Variants in RAB27B observed in about 807,000 individuals in gnomAD.
RAB27B encodes the protein ras-related protein Rab-27B.
Under a neutral mutation model 24.6 loss-of-function variants are expected in RAB27B, and 15 were observed. That is an observed-to-expected ratio of 0.61 (90% confidence interval 0.41 to 0.94). The LOEUF (loss-of-function observed/expected upper bound fraction) is 0.94. Among genes scored for constraint, RAB27B ranks in the 40% least tolerant of loss-of-function variants. The probability of loss-of-function intolerance (pLI) is 0.00; values close to 1 mark genes in which losing one functional copy is unlikely to be tolerated. For missense variants in RAB27B, 261 were observed against 266.8 expected, an observed-to-expected ratio of 0.98 and a Z score of 0.15; for synonymous variants, 105 against 92.5, an observed-to-expected ratio of 1.14 and a Z score of -0.78.
chr18:54,808,820 A>C (rs1909874988), intron 2 of RAB27B, among the ~76,000 whole-genome samples: 1 of 152,276 alleles, frequency 6.6e-6, no homozygotes, highest in Admixed American at 6.5e-5. Context: ...GAATTATTAA[A>C]AACAGAAAAA....
At chr18:54,816,863 A>T (rs908091457) in intron 2 of RAB27B, among the ~76,000 whole-genome samples, 2 of 152,224 alleles carry the variant, frequency 1.3e-5, no homozygotes, top group South Asian at 2.1e-4. Flanking sequence ...ACATAAAGTC[A>T]TAATATAATG....
chr18:54,754,622 T>C (rs1907945726), intron 2 of RAB27B, among the ~76,000 whole-genome samples: 1 of 152,200 alleles, frequency 6.6e-6, no homozygotes, highest in African/African-American at 2.4e-5. Context: ...ACGGATCTTG[T>C]CTACGTAAAG....
At chr18:54,886,177 A>G (rs183014496) in intron 4 of RAB27B, among the ~76,000 whole-genome samples, 1 of 152,090 alleles carries the variant, frequency 6.6e-6, no homozygotes, top group Non-Finnish European at 1.5e-5. Context: ...CCCATCTGAA[A>G]TAGTACTCAT....
chr18:54,769,333 C>T lies in RAB27B; in HGVS notation c.-20+51192C>T, dbSNP rs145591717. 6.6e-5 allele frequency among the ~76,000 whole-genome samples: 10 copies of T among 152,230 alleles called. 1 individual carries two copies. The highest frequency in any genetic ancestry group is 2.4e-4 in the African/African-American group (10 of 41,568). ...CGTCTCACCTCTGTCTGGGGCAGTC[C>T]ACTGTGTGTAAAATGCCATCTGATG... On this transcript the variant is annotated intron_variant, in intron 2 of 4. Transcript: ENST00000586570.
At chr18:54,842,356 T>C (rs989271915) in intron 1 of RAB27B, among the ~76,000 whole-genome samples, 1 of 152,364 alleles carries the variant, frequency 6.6e-6, no homozygotes, top group East Asian at 1.9e-4. Flanking sequence ...GAGGACTTAA[T>C]GAACTGCACC....
At chr18:54,830,927 G>T (rs1448369007) in intron 1 of RAB27B, among the ~76,000 whole-genome samples, 8 of 152,156 alleles carry the variant, frequency 5.3e-5, no homozygotes, top group African/African-American at 1.9e-4. Flanking sequence ...TCAATATATT[G>T]AGATAATTAA....
intron 1 of RAB27B, among the ~76,000 whole-genome samples, chr18:54,842,654 G>A (rs533610425): frequency 5.9e-5 from 9 of 152,122 alleles, no homozygotes; most frequent in Non-Finnish European, 2.9e-5. Context: ...GACACATCTT[G>A]CTGTTATGTC....
At chr18:54,768,294 A>C (rs1427821171) in intron 2 of RAB27B, among the ~76,000 whole-genome samples, 1 of 152,192 alleles carries the variant, frequency 6.6e-6, no homozygotes, top group Admixed American at 6.5e-5. Context: ...AAATGTAGCG[A>C]TATGTGGCTT....
At chr18:54,740,983 G>C (rs1391564226) in intron 2 of RAB27B, among the ~76,000 whole-genome samples, 1 of 152,108 alleles carries the variant, frequency 6.6e-6, no homozygotes, top group East Asian at 1.9e-4. Context: ...ACTCTACCTA[G>C]GTTTTTGGTC....
At chr18:54,730,345 G>A (rs1028610575) in intron 2 of RAB27B, among the ~76,000 whole-genome samples, 1 of 152,156 alleles carries the variant, frequency 6.6e-6, no homozygotes, top group Non-Finnish European at 1.5e-5. Flanking sequence ...TGCTGACATG[G>A]ACTGCGCCTT....
At chr18:54,881,959 A>G (rs1287650664) in intron 3 of RAB27B, among the ~76,000 whole-genome samples, 2 of 152,198 alleles carry the variant, frequency 1.3e-5, no homozygotes, top group South Asian at 4.1e-4. Context: ...AACAAAGAGC[A>G]GTTTTCCTGG....
At chr18:54,833,408 G>T (rs1910769941) in intron 1 of RAB27B, among the ~76,000 whole-genome samples, 1 of 151,830 alleles carries the variant, frequency 6.6e-6, no homozygotes, top group Non-Finnish European at 1.5e-5. Context: ...TGTATTTTTA[G>T]TAGAGGTAGG....
intron 1 of RAB27B, among the ~76,000 whole-genome samples, chr18:54,830,847 A>T (rs1211753099): frequency 6.6e-6 from 1 of 152,316 alleles, no homozygotes; most frequent in East Asian, 1.9e-4. Context: ...CAATAAGGAG[A>T]GTAACACTCT....
intron 2 of RAB27B, among the ~76,000 whole-genome samples, chr18:54,794,053 A>G (rs1426970741): frequency 6.6e-6 from 1 of 152,232 alleles, no homozygotes; most frequent in Non-Finnish European, 1.5e-5. Flanking sequence ...TTGTGGAACC[A>G]ACCTGATTGG....
chr18:54,800,527 C>A (rs1381442944), intron 2 of RAB27B, among the ~76,000 whole-genome samples: 2 of 152,188 alleles, frequency 1.3e-5, no homozygotes, highest in Non-Finnish European at 2.9e-5. Context: ...TTTTAATTTG[C>A]ATTGACTTCA....
At chr18:54,842,628 C>A (rs117152147) in intron 1 of RAB27B, among the ~76,000 whole-genome samples, 15 of 152,266 alleles carry the variant, frequency 9.9e-5, no homozygotes, top group Non-Finnish European at 2.1e-4. Flanking sequence ...AAAACATTGA[C>A]TAAAATAAAT....
At chr18:54,862,407 T>C (rs569879458) in intron 1 of RAB27B, among the ~76,000 whole-genome samples, 2 of 152,214 alleles carry the variant, frequency 1.3e-5, no homozygotes, top group East Asian at 3.9e-4. Context: ...TAAGGAGAAA[T>C]CACTCTTAAC....
chr18:54,876,832 C>T (rs1024675140), intron 1 of RAB27B, among the ~76,000 whole-genome samples: 11 of 152,244 alleles, frequency 7.2e-5, no homozygotes, highest in Middle Eastern at 3.4e-3. Context: ...ATATCTGCAT[C>T]GTCTTGGACT....
intron 1 of RAB27B, among the ~76,000 whole-genome samples, chr18:54,829,432 A>C (rs1415828448): frequency 1.3e-5 from 2 of 152,182 alleles, no homozygotes; most frequent in East Asian, 3.8e-4. Context: ...ATGTTTTGTG[A>C]GTTTTTTATG....
Sources: gnomAD v4.1 joint callset for allele counts (sites outside exome capture counted in the v4.1 genomes callset) on GRCh38, gnomAD v4.1.1 for gene constraint, MANE v1.5 for transcripts, NCBI Gene and HGNC (gene_info 2026-07-23, HGNC 2026-07-21) for gene names.